Variants in PCDHGA5 observed in about 807,000 individuals in gnomAD.
PCDHGA5 encodes protocadherin gamma subfamily A, 5.
Under a neutral mutation model 56.7 loss-of-function variants are expected in PCDHGA5, and 36 were observed. The ratio of observed to expected loss-of-function variants is 0.64; its 90% confidence interval spans 0.49 to 0.84. The LOEUF is 0.84. PCDHGA5 is among the 40% of genes least tolerant of loss of function. PCDHGA5 has a pLI of 0.00. For synonymous variants in PCDHGA5, 563 were observed against 520.2 expected, an observed-to-expected ratio of 1.08 and a Z score of -1.12; for missense variants, 1,305 against 1,201.5, an observed-to-expected ratio of 1.09 and a Z score of -1.27.
At position 141,489,494 on chromosome 5, in the gene PCDHGA5, C is replaced by A. The variant is rs1191408769; in HGVS notation, c.2422-5313C>A. ...CTGAGCTTGATGAGTGGTGCCCTGGCAGTGAATCAAAAGATTGACCGAGAA... is the reference window on the plus strand; with the variant it reads ...CTGAGCTTGATGAGTGGTGCCCTGGAAGTGAATCAAAAGATTGACCGAGAA... On this transcript the variant is annotated intron_variant, in intron 1 of 3. Coordinates refer to ENST00000518069, the MANE Select transcript of PCDHGA5 (RefSeq NM_018918.3). This position sits in a 1 kb window ranked among gnomAD's most constrained non-coding sequence, Gnocchi z 4.5. 1.1e-5 allele frequency: 18 copies of A among 1,613,932 alleles called. No individual in the cohort carries two copies. The highest frequency in any genetic ancestry group is 1.7e-5 in the Admixed American group (1 of 59,998).
chr5:141,404,738 A>C (rs1361110725), intron 1 of PCDHGA5: 24 of 1,613,674 alleles, frequency 1.5e-5, no homozygotes, highest in Non-Finnish European at 1.9e-5. Flanking sequence ...GGCAGTGGAC[A>C]GAGACTCAGG....
chr5:141,403,182 T>G (rs1458009956), intron 1 of PCDHGA5: 1 of 1,613,858 alleles, frequency 6.2e-7, no homozygotes, highest in Non-Finnish European at 8.5e-7. Context: ...CTTTTCTCTC[T>G]GAACCCGCGC....
chr5:141,450,150 G>T (rs1314865325), intron 1 of PCDHGA5, among the ~76,000 whole-genome samples: 1 of 150,342 alleles, frequency 6.7e-6, no homozygotes, highest in Non-Finnish European at 1.5e-5. Flanking sequence ...GGGACTACAG[G>T]CATGTGCCAC....
At chr5:141,438,290 A>G (rs1043285243) in intron 1 of PCDHGA5, among the ~76,000 whole-genome samples, 5 of 152,074 alleles carry the variant, frequency 3.3e-5, no homozygotes, top group East Asian at 3.9e-4. Flanking sequence ...TTTAATCTGT[A>G]TGTAAAAGAA....
chr5:141,481,261 C>T lies in PCDHGA5; in HGVS notation c.2422-13546C>T, dbSNP rs2099534823. ...TACATAGCATAGCTCTAAAAGATCA[C>T]TGTAGGAAGACATAAAATGGTATTT... On this transcript the variant is annotated intron_variant, in intron 1 of 3. Coordinates refer to ENST00000518069, the MANE Select transcript of PCDHGA5 (RefSeq NM_018918.3). Among the ~76,000 whole-genome samples, 3 of 152,252 alleles carry T rather than the reference C, an allele frequency of 2.0e-5. No individual in the cohort carries two copies. The East Asian group carries it at 5.8e-4, about 29-fold the overall frequency.
chr5:141,416,718 G>T lies in PCDHGA5; in HGVS notation c.2421+49967G>T, dbSNP rs1202204760. The T allele has an allele frequency of 5.9e-5, 9 of 152,308 alleles. No homozygotes were observed. In the East Asian group the frequency reaches 1.5e-3, roughly 26 times the overall value. The allele number at this position is 152,308 out of a possible 1,614,324, so 9.4% of individuals were successfully genotyped here. On this transcript the variant is annotated intron_variant, in intron 1 of 3. Transcript: ENST00000518069. ...AAAGGATCATTGGAGGTACTGATGAGTTCATTTAGTTCAATGAAAATAGTG... is the reference window on the plus strand; with the variant it reads ...AAAGGATCATTGGAGGTACTGATGATTTCATTTAGTTCAATGAAAATAGTG...
chr5:141,410,455 T>G (rs2095396076), intron 1 of PCDHGA5: 3 of 1,613,914 alleles, frequency 1.9e-6, no homozygotes, highest in African/African-American at 2.7e-5. Flanking sequence ...TGCCTTATTC[T>G]TATAATCTGT....
At chr5:141,459,499 G>A (rs2098968854) in intron 1 of PCDHGA5, among the ~76,000 whole-genome samples, 1 of 152,172 alleles carries the variant, frequency 6.6e-6, no homozygotes, top group Non-Finnish European at 1.5e-5. Context: ...TTAAAGTGAT[G>A]TGAACAATCA....
rs146734417 is a variant in PCDHGA5, at chr5:141,431,409, G to T, written c.2422-63398G>T. The T allele has an allele frequency of 1.9e-6, 3 of 1,613,722 alleles. No homozygotes were observed. Among genetic ancestry groups the T allele is most frequent in the Non-Finnish European group, 2.5e-6 (3 of 1,180,048 alleles). On this transcript the variant is annotated intron_variant, in intron 1 of 3. Transcript: ENST00000518069. This position sits in a 1 kb window ranked among gnomAD's most constrained non-coding sequence, Gnocchi z 4.8. Reference sequence around the variant, plus strand: ...CACCTGGTCCTTACGGCCTCCGACGGGGGCGACCCGGTGCGCACAGGCACC... The same window carrying T: ...CACCTGGTCCTTACGGCCTCCGACGTGGGCGACCCGGTGCGCACAGGCACC...
chr5:141,377,007 T>A (rs985572001), intron 1 of PCDHGA5: 1 of 155,470 alleles, frequency 6.4e-6, no homozygotes, highest in African/African-American at 2.4e-5. Context: ...TTTTTATTGG[T>A]TGACAGGAAA....
intron 1 of PCDHGA5, among the ~76,000 whole-genome samples, chr5:141,381,589 C>G (rs1777301144): frequency 6.6e-6 from 1 of 152,152 alleles, no homozygotes; most frequent in Admixed American, 6.5e-5. Context: ...ATCCATTATC[C>G]AGTTTCTTAT....
At position 141,366,500 on chromosome 5, in the gene PCDHGA5, C is replaced by T. The variant is rs538032302; in HGVS notation, c.2170C>T (p.Leu724=). The T allele has an allele frequency of 1.5e-5, 24 of 1,614,276 alleles. No homozygotes were observed. In the South Asian group the frequency reaches 2.3e-4, roughly 16 times the overall value. Residue 724 remains leucine, a synonymous_variant, in exon 1 of 4, where the codon CTG becomes TTG. Coordinates refer to ENST00000518069, the MANE Select transcript of PCDHGA5 (RefSeq NM_018918.3). ...LRLRRWHKSR[L]LQAEGSRLAG... The stretch of plus-strand genomic sequence containing the variant: ...ACTGAGGCGCTGGCACAAGTCACGC[C>T]TGCTTCAGGCTGAAGGCAGCAGGTT...
At chr5:141,415,700 A>G (rs1213224503) in intron 1 of PCDHGA5, 1 of 1,515,570 alleles carries the variant, frequency 6.6e-7, no homozygotes, top group East Asian at 2.5e-5. Flanking sequence ...GAAAGTGTAA[A>G]TGCTAAAACA....
intron 1 of PCDHGA5, chr5:141,376,339 C>G: frequency 6.2e-7 from 1 of 1,614,192 alleles, no homozygotes; most frequent in Non-Finnish European, 8.5e-7. Flanking sequence ...TCCTGCAGAC[C>G]TATTCCCACG....
chr5:141,492,026 G>A, intron 1 of PCDHGA5: 1 of 567,198 alleles, frequency 1.8e-6, no homozygotes, highest in South Asian at 2.9e-5. Flanking sequence ...GGGGTCCCGG[G>A]AGGAGGCAGT....
chr5:141,491,685 G>A lies in PCDHGA5; in HGVS notation c.2422-3122G>A. 1 of 1,613,164 alleles carries A rather than the reference G, an allele frequency of 6.2e-7. No individual in the cohort carries two copies. The highest frequency in any genetic ancestry group is 8.5e-7 in the Non-Finnish European group (1 of 1,179,646). On this transcript the variant is annotated intron_variant, in intron 1 of 3. Transcript: ENST00000518069. The surrounding 1 kb of genome is among the most constrained non-coding windows in gnomAD (Gnocchi z 6.9). ...CCATCCGGTCCCGCTCTAATACGCTGCGGGAGCGGAGCCAGGTGAGGGGCT... is the reference window on the plus strand; with the variant it reads ...CCATCCGGTCCCGCTCTAATACGCTACGGGAGCGGAGCCAGGTGAGGGGCT...
At chr5:141,390,536 C>T (rs2092171598) in intron 1 of PCDHGA5, 1 of 522,874 alleles carries the variant, frequency 1.9e-6, no homozygotes, top group Non-Finnish European at 3.4e-6. Context: ...TGGTTTTAAC[C>T]ACAAAGTGAA....
At chr5:141,383,889 G>T in intron 1 of PCDHGA5, 1 of 1,613,938 alleles carries the variant, frequency 6.2e-7, no homozygotes, top group South Asian at 1.1e-5. Context: ...GTCTGACAAA[G>T]GCAAAAGTAC....
chr5:141,378,478 GT>G (rs1210036765), intron 1 of PCDHGA5: 3 of 152,162 alleles, frequency 2.0e-5, no homozygotes, highest in African/African-American at 7.2e-5. Flanking sequence ...AGCCAAGATC[GT>G]GCCACTGCAC....
Sources: allele counts gnomAD v4.1 joint callset (sites outside exome capture counted in the v4.1 genomes callset), GRCh38; gene constraint gnomAD v4.1.1; non-coding constraint Gnocchi (gnomAD v3.1); transcripts MANE v1.5; gene names NCBI Gene and HGNC (gene_info 2026-07-23, HGNC 2026-07-21).